Variants in HYDIN observed in about 807,000 individuals in gnomAD.
HYDIN encodes axonemal central pair apparatus protein HYDIN.
A neutral mutation model predicts 403.9 loss-of-function variants in HYDIN; 132 were observed. The observed-to-expected ratio is 0.33, with a 90% CI of 0.28 to 0.38. The LOEUF is 0.38. Among genes scored for constraint, HYDIN ranks in the 10% least tolerant of loss-of-function variants. HYDIN has a pLI of 1.00. For missense variants in HYDIN, 2,827 were observed against 5,009.5 expected, an observed-to-expected ratio of 0.56 and a Z score of 13.15; for synonymous variants, 1,202 against 1,891.7, an observed-to-expected ratio of 0.64 and a Z score of 9.46.
rs368746740 is a variant in HYDIN at position 70,879,662 on chromosome 16, G to A, written c.10310C>T (p.Pro3437Leu). Residue 3437 changes from proline (P) to leucine (L), a missense_variant, in exon 61 of 86, where the codon CCG becomes CTG. Transcript: ENST00000393567. The stretch of plus-strand genomic sequence containing the variant: ...GCACTGGTAGTTCTGCATGATCTGC[G>A]GGGTGAAGGACACCGTGGCAAAGGC... Reference protein sequence around the residue: ...SHAFATVSFTPQIMQNYQCIF... With the variant: ...SHAFATVSFTLQIMQNYQCIF... 7 of 1,584,304 alleles carry A rather than the reference G, an allele frequency of 4.4e-6. No individual in the cohort carries two copies. The highest frequency in any genetic ancestry group is 2.2e-5 in the East Asian group (1 of 44,642).
chr16:71,042,371 C>T (rs1420962699), intron 18 of HYDIN, among the ~76,000 whole-genome samples: 1 of 152,028 alleles, frequency 6.6e-6, no homozygotes, highest in African/African-American at 2.4e-5. Flanking sequence ...TACTCTACTG[C>T]TACTTCTTAA....
In HYDIN at chr16:71,093,807, T is replaced by G. The variant is rs772060617; in HGVS notation, c.1446+10A>C. On this transcript the variant is annotated intron_variant, in intron 11 of 85. Coordinates refer to ENST00000393567, the MANE Select transcript of HYDIN (RefSeq NM_001270974.2). ...TGTTTGAAGTATCAACGAACAACTC[T>G]AGTGCTTACCTCATAACAATGTGCA... is the stretch of plus-strand genomic sequence containing the variant. The G allele has an allele frequency of 6.2e-7, 1 of 1,611,968 alleles. No homozygotes were observed. Among genetic ancestry groups the G allele is most frequent in the Non-Finnish European group, 8.5e-7 (1 of 1,178,880 alleles).
At chr16:70,875,046 T>C in intron 62 of HYDIN, 127 bp from the exon 63 acceptor site, 1 of 1,071,716 alleles carries the variant, frequency 9.3e-7, no homozygotes. Context: ...GTATTCACTT[T>C]TTTGAATTTC....
intron 3 of HYDIN, among the ~76,000 whole-genome samples, chr16:71,181,946 G>A (rs1420359385): frequency 6.6e-6 from 1 of 152,174 alleles, no homozygotes; most frequent in Admixed American, 6.5e-5. Flanking sequence ...AGACTGGGAG[G>A]TGGCTGCTCT....
intron 47 of HYDIN, among the ~76,000 whole-genome samples, chr16:70,909,972 G>A (rs771168976): frequency 1.3e-5 from 2 of 150,834 alleles, no homozygotes; most frequent in East Asian, 2.0e-4. Context: ...GATTACAGGC[G>A]TGAGCCACCG....
intron 5 of HYDIN, among the ~76,000 whole-genome samples, chr16:71,173,502 C>G (rs2086547634): frequency 6.6e-6 from 1 of 152,136 alleles, no homozygotes; most frequent in East Asian, 1.9e-4. Flanking sequence ...GCAGGATAAA[C>G]AGTAATAAAA....
intron 18 of HYDIN, among the ~76,000 whole-genome samples, chr16:71,056,186 A>G (rs2081885391): frequency 6.9e-6 from 1 of 145,328 alleles, no homozygotes; most frequent in South Asian, 2.2e-4. Flanking sequence ...TGATTGTTCC[A>G]AAGAAGTCAG....
intron 78 of HYDIN, among the ~76,000 whole-genome samples, chr16:70,834,614 G>A (rs552889778): frequency 1.0e-3 from 159 of 152,174 alleles, no homozygotes; most frequent in Middle Eastern, 3.4e-3. Flanking sequence ...TTGGGAGGCC[G>A]AGGCAGGTGG....
rs2087072558 is a variant in HYDIN, at chr16:71,184,897, G to A, written c.229C>T (p.Leu77Phe). The A allele has an allele frequency of 6.2e-7, 1 of 1,608,816 alleles. No homozygotes were observed. The highest frequency in any genetic ancestry group is 8.5e-7 in the Non-Finnish European group (1 of 1,176,568). ...TGTGTTGTTTCCCCCATATCTAAGA[G>A]TTCGATGATCTGTGGTCGGCACATC... ...RLMCRPQIIE[L>F]LDMGETTHQK... Residue 77 changes from leucine to phenylalanine, a missense_variant, in exon 3 of 86, where the codon CTC becomes TTC. Coordinates refer to ENST00000393567, the MANE Select transcript of HYDIN (RefSeq NM_001270974.2).
At position 71,061,822 on chromosome 16, in the gene HYDIN, T is replaced by C. The variant is rs577513282; in HGVS notation, c.2376+347A>G. On this transcript the variant is annotated intron_variant, in intron 17 of 85. Transcript: ENST00000393567. The stretch of plus-strand genomic sequence containing the variant: ...GCTGGCTTCCTCCCCTCAGAGTTTC[T>C]GATTTCAAAGGACTGGAGAGGGGTC... Among the ~76,000 whole-genome samples, 13 of 150,490 alleles carry C rather than the reference T, an allele frequency of 8.6e-5. No individual in the cohort carries two copies. The East Asian group carries it at 1.8e-3, about 20-fold the overall frequency.
chr16:70,994,662 C>T (rs1476293924), intron 23 of HYDIN, among the ~76,000 whole-genome samples: 1 of 148,970 alleles, frequency 6.7e-6, no homozygotes, highest in African/African-American at 2.6e-5. Flanking sequence ...AGATTTTTAA[C>T]AGCCTTCCCA....
chr16:70,806,737 C>A lies in HYDIN; in HGVS notation c.*843G>T, dbSNP rs1357287013. The stretch of plus-strand genomic sequence containing the variant: ...GAGGTGTATGTCTGCAGAAGCAAAC[C>A]CATGCCAGGGCCAGACTTTAACCAT... On this transcript the variant is annotated 3_prime_UTR_variant, in exon 86 of 86. Coordinates refer to ENST00000393567, the MANE Select transcript of HYDIN (RefSeq NM_001270974.2). Among the ~76,000 whole-genome samples the A allele has an allele frequency of 6.6e-6, 1 of 152,124 alleles. No homozygotes were observed.
At chr16:71,133,593 GC>G (rs2084797893) in intron 8 of HYDIN, among the ~76,000 whole-genome samples, 1 of 152,204 alleles carries the variant, frequency 6.6e-6, no homozygotes, top group Non-Finnish European at 1.5e-5. Flanking sequence ...AATTGTAGGA[GC>G]TCTTGTACAG....
intron 18 of HYDIN, among the ~76,000 whole-genome samples, chr16:71,056,010 G>T (rs1295676089): frequency 1.3e-5 from 2 of 151,898 alleles, no homozygotes; most frequent in African/African-American, 4.8e-5. Context: ...CCTTATTTCC[G>T]CTGCTCATAG....
chr16:70,992,939 G>A (rs1597488439), intron 23 of HYDIN, among the ~76,000 whole-genome samples: 2 of 152,336 alleles, frequency 1.3e-5, no homozygotes, highest in East Asian at 1.9e-4. Context: ...TCCCCTTGGT[G>A]CATGGCTTCT....
intron 9 of HYDIN, among the ~76,000 whole-genome samples, chr16:71,123,909 C>T (rs2084351546): frequency 1.3e-5 from 2 of 152,248 alleles, no homozygotes; most frequent in Admixed American, 1.3e-4. Flanking sequence ...TCCCCAGCCA[C>T]ATGGAACTGT....
intron 15 of HYDIN, among the ~76,000 whole-genome samples, chr16:71,065,323 C>G (rs1261459933): frequency 3.9e-5 from 6 of 152,142 alleles, no homozygotes; most frequent in Admixed American, 1.3e-4. Context: ...GTCTTGGATG[C>G]AGAGGCTCAG....
intron 41 of HYDIN, 96 bp from the exon 42 acceptor site, chr16:70,944,045 A>C: frequency 1.1e-6 from 1 of 898,982 alleles, no homozygotes; most frequent in Non-Finnish European, 1.7e-6. Context: ...AGATCACATA[A>C]TCTGTCATTT....
intron 1 of HYDIN, among the ~76,000 whole-genome samples, chr16:71,207,825 T>C (rs972724217): frequency 2.6e-5 from 4 of 151,954 alleles, no homozygotes; most frequent in African/African-American, 7.2e-5. Context: ...AAGGAAAAAG[T>C]AGGGCATTAC....
Sources: gnomAD v4.1 joint callset for allele counts (sites outside exome capture counted in the v4.1 genomes callset) on GRCh38, gnomAD v4.1.1 for gene constraint, MANE v1.5 for transcripts, NCBI Gene and HGNC (gene_info 2026-07-23, HGNC 2026-07-21) for gene names.